EXOC4: variants seen among roughly 807,000 people sequenced by gnomAD.
The protein encoded by EXOC4 is exocyst complex component 4, also known as SEC8-like 1.
A neutral mutation model predicts 107.2 loss-of-function variants in EXOC4; 71 were observed. The observed-to-expected ratio is 0.66, with a 90% confidence interval of 0.55 to 0.81. EXOC4 has a LOEUF of 0.81. Among genes scored for constraint, EXOC4 ranks in the 30% least tolerant of loss-of-function variants. EXOC4 has a pLI of 0.00. For missense variants in EXOC4, 1,108 were observed against 1,189.6 expected, an observed-to-expected ratio of 0.93 and a Z score of 1.01; for synonymous variants, 456 against 441.2, an observed-to-expected ratio of 1.03 and a Z score of -0.42.
chr7:134,004,594 A>G (rs1794600502), intron 15 of EXOC4, among the ~76,000 whole-genome samples: 1 of 152,176 alleles, frequency 6.6e-6, no homozygotes, highest in African/African-American at 2.4e-5. Flanking sequence ...CCAACACTGT[A>G]TAGATTAAAC....
At chr7:133,856,593 C>T (rs938740381) in intron 11 of EXOC4, among the ~76,000 whole-genome samples, 38 of 152,142 alleles carry the variant, frequency 2.5e-4, no homozygotes, top group Non-Finnish European at 7.4e-5. Context: ...TGATTTTTAT[C>T]ATCTTCCATA....
At chr7:133,534,396 C>G (rs1046449216) in intron 9 of EXOC4, among the ~76,000 whole-genome samples, 2 of 152,142 alleles carry the variant, frequency 1.3e-5, no homozygotes, top group African/African-American at 2.4e-5. Flanking sequence ...CCTGAGTTGT[C>G]ATTCCTGTTC....
intron 17 of EXOC4, among the ~76,000 whole-genome samples, chr7:134,053,517 A>G (rs186081612): frequency 5.9e-5 from 9 of 151,518 alleles, no homozygotes; most frequent in African/African-American, 1.9e-4. Flanking sequence ...TCCCGAGTCC[A>G]TGATCTTAAC....
At chr7:133,858,369 A>G (rs1798463915) in intron 11 of EXOC4, among the ~76,000 whole-genome samples, 1 of 152,170 alleles carries the variant, frequency 6.6e-6, no homozygotes, top group Non-Finnish European at 1.5e-5. Context: ...AAATGGAGGA[A>G]GTGTGTGCTG....
At chr7:133,959,561 TA>T (rs1352883926) in intron 14 of EXOC4, among the ~76,000 whole-genome samples, 19 of 151,452 alleles carry the variant, frequency 1.3e-4, no homozygotes, top group Non-Finnish European at 2.7e-4. Flanking sequence ...TAAAAAAAAT[TA>T]AGAAAAATTC....
At chr7:133,982,520 C>G (rs1794014060) in intron 14 of EXOC4, among the ~76,000 whole-genome samples, 1 of 152,130 alleles carries the variant, frequency 6.6e-6, no homozygotes, top group African/African-American at 2.4e-5. Flanking sequence ...CCACTGCACT[C>G]CAGCTTGGGT....
chr7:133,641,696 G>C (rs544615866), intron 10 of EXOC4, among the ~76,000 whole-genome samples: 1 of 152,144 alleles, frequency 6.6e-6, no homozygotes, highest in South Asian at 2.1e-4. Context: ...TATCTTTTTT[G>C]CATATTCTAT....
chr7:134,073,184 C>A, the EXOC4 span, among the ~76,000 whole-genome samples: 3 of 103,748 alleles, frequency 2.9e-5, no homozygotes, highest in African/African-American at 1.2e-4. Flanking sequence ...CCAGCCTGGG[C>A]AACAGAGAGA....
chr7:133,669,330 G>A (rs1793894827), intron 10 of EXOC4, among the ~76,000 whole-genome samples: 1 of 110,762 alleles, frequency 9.0e-6, no homozygotes, highest in African/African-American at 3.4e-5. Flanking sequence ...CCTCAATGCA[G>A]GGCGAGATCC....
chr7:134,001,313 T>C (rs1208977392), intron 15 of EXOC4, among the ~76,000 whole-genome samples: 1 of 152,154 alleles, frequency 6.6e-6, no homozygotes, highest in African/African-American at 2.4e-5. Flanking sequence ...ATCCTAAGTG[T>C]GCACTCTCTG....
intron 3 of EXOC4, among the ~76,000 whole-genome samples, chr7:133,295,617 C>A (rs61277968): frequency 0.14 from 21,996 of 152,058 alleles, 3,429 homozygotes; most frequent in African/African-American, 0.39. Context: ...GCTGTTGTTT[C>A]TGTGAGTGCT....
intron 9 of EXOC4, among the ~76,000 whole-genome samples, chr7:133,494,776 C>T (rs1374318531): frequency 6.6e-6 from 1 of 152,140 alleles, no homozygotes; most frequent in East Asian, 1.9e-4. Flanking sequence ...TCAGTATGAT[C>T]TTCTTTTTAC....
At chr7:133,634,924 C>G (rs10954421) in intron 10 of EXOC4, among the ~76,000 whole-genome samples, 149,143 of 152,216 alleles carry the variant, frequency 0.98, 73,138 homozygotes, top group East Asian at 1. Flanking sequence ...ATAACTGATG[C>G]CTTTTTTTCT....
At chr7:133,914,677 G>A (rs2116622502) in intron 12 of EXOC4, among the ~76,000 whole-genome samples, 1 of 152,226 alleles carries the variant, frequency 6.6e-6, no homozygotes, top group East Asian at 1.9e-4. Flanking sequence ...TTTGGAACCA[G>A]TGTAACTCAT....
chr7:133,743,172 A>G (rs1175544793), intron 10 of EXOC4, among the ~76,000 whole-genome samples: 1 of 152,190 alleles, frequency 6.6e-6, no homozygotes, highest in Non-Finnish European at 1.5e-5. Context: ...ACAAGAGACA[A>G]TCGATAGAAA....
At chr7:133,941,318 A>G (rs1181423438) in intron 14 of EXOC4, among the ~76,000 whole-genome samples, 2 of 152,112 alleles carry the variant, frequency 1.3e-5, no homozygotes, top group Non-Finnish European at 1.5e-5. Flanking sequence ...TCATAGTAGA[A>G]TATCTCTTCA....
intron 11 of EXOC4, among the ~76,000 whole-genome samples, chr7:133,820,613 A>G (rs920136554): frequency 6.6e-6 from 1 of 152,248 alleles, no homozygotes; most frequent in Non-Finnish European, 1.5e-5. Flanking sequence ...TGTGGGTTAA[A>G]TATTCAATTA....
chr7:133,799,624 C>T (rs1007333072), intron 10 of EXOC4, among the ~76,000 whole-genome samples: 4 of 152,094 alleles, frequency 2.6e-5, no homozygotes, highest in Middle Eastern at 3.2e-3. Context: ...GGGAATGTAA[C>T]GCAGCCTGAT....
intron 11 of EXOC4, among the ~76,000 whole-genome samples, chr7:133,823,568 A>G (rs1190602982): frequency 1.3e-5 from 2 of 151,610 alleles, no homozygotes; most frequent in African/African-American, 4.8e-5. Context: ...TAATCCCATC[A>G]CTTTGGGAGG....
Sources: allele counts gnomAD v4.1 joint callset (sites outside exome capture counted in the v4.1 genomes callset), GRCh38; gene constraint gnomAD v4.1.1; transcripts MANE v1.5; gene names NCBI Gene and HGNC (gene_info 2026-07-23, HGNC 2026-07-21).